MORC2: variants seen among roughly 807,000 people sequenced by gnomAD.
MORC2 encodes ATPase MORC2.
Under a neutral mutation model 136.0 loss-of-function variants are expected in MORC2, and 30 were observed. That is an observed-to-expected ratio of 0.22 (90% CI 0.17 to 0.30). MORC2 has a LOEUF of 0.30. MORC2 is among the 10% of genes least tolerant of loss of function. MORC2 has a pLI of 1.00. For synonymous variants in MORC2, 439 were observed against 487.0 expected, an observed-to-expected ratio of 0.90 and a Z score of 1.30; for missense variants, 922 against 1,333.1, an observed-to-expected ratio of 0.69 and a Z score of 4.80.
In MORC2 at chr22:30,932,263, A is replaced by T. The variant is rs575120896; in HGVS notation, c.2841+96T>A. 61 of 1,074,206 alleles carry T rather than the reference A, an allele frequency of 5.7e-5. No individual in the cohort carries two copies. The African/African-American group carries it at 7.9e-4, about 14-fold the overall frequency. The allele number at this position is 1,074,206 out of a possible 1,614,324, so 66.5% of individuals were successfully genotyped here. A position where few individuals can be genotyped will look rare whatever the true frequency, so the allele number is the denominator to read the frequency against. ...ACACAGCTGAGAGCTAGCAACTGCA[A>T]CAAGCGTAACAATCATAATCACAAC... On this transcript the variant is annotated intron_variant, in intron 24 of 25. Transcript: ENST00000397641. This position sits in a 1 kb window ranked among gnomAD's most constrained non-coding sequence, Gnocchi z 4.4.
chr22:30,928,108 G>A lies in MORC2; in HGVS notation c.2941C>T (p.Arg981Cys), dbSNP rs1307310663. The change falls in exon 25 of 26, where the codon CGC becomes TGC. Residue 981 changes from arginine to cysteine, a missense_variant. Physicochemically the swap from Arg to Cys is radical, Grantham distance 180. Transcript: ENST00000397641. ...TCGCGGAGCTTCCTCTCGGAGGTGCGCAGGCTTTCCTCGGAGGCCTTGGCC... is the reference window on the plus strand; with the variant it reads ...TCGCGGAGCTTCCTCTCGGAGGTGCACAGGCTTTCCTCGGAGGCCTTGGCC... ...SRAKASEESL[R>C]TSERKLRETE... is the part of the protein sequence containing the mutation. 3.1e-6 allele frequency: 5 copies of A among 1,614,030 alleles called. No homozygotes were observed. Among genetic ancestry groups the A allele is most frequent in the East Asian group, 2.2e-5 (1 of 44,872 alleles).
At chr22:30,965,232 G>A (rs1332089238) in intron 1 of MORC2, among the ~76,000 whole-genome samples, 2 of 152,150 alleles carry the variant, frequency 1.3e-5, no homozygotes, top group African/African-American at 4.8e-5. Context: ...TCGCAATACT[G>A]TAGATGTCAG....
chr22:30,934,031 GCTT>G lies in MORC2; in HGVS notation c.2325+26_2325+28del. 13 of 1,613,336 alleles carry G rather than the reference GCTT, an allele frequency of 8.1e-6. No individual in the cohort carries two copies. Among genetic ancestry groups the G allele is most frequent in the Non-Finnish European group, 1.1e-5 (13 of 1,179,598 alleles). ...GGGGCTGCAGGCCCTAGAGAGAGAG[GCTT>G]TGAGAACCTCACCTCAACCACTCAC... On this transcript the variant is annotated intron_variant, in intron 20 of 25. Transcript: ENST00000397641. The surrounding 1 kb of genome is among the most constrained non-coding windows in gnomAD (Gnocchi z 4.4).
At position 30,932,324 on chromosome 22, in the gene MORC2, G is replaced by C. The variant is rs2040587502; in HGVS notation, c.2841+35C>G. ...AATGCAGGGGCAGGGGTGGGGGAAT[G>C]AAGAGTGTGGAATCGAAGGTCAGGC... is the stretch of plus-strand genomic sequence containing the variant. On this transcript the variant is annotated intron_variant, in intron 24 of 25. Coordinates refer to ENST00000397641, the MANE Select transcript of MORC2 (RefSeq NM_001303256.3). This position sits in a 1 kb window ranked among gnomAD's most constrained non-coding sequence, Gnocchi z 4.4. The C allele has an allele frequency of 6.6e-7, 1 of 1,511,678 alleles. No homozygotes were observed. The highest frequency in any genetic ancestry group is 9.1e-7 in the Non-Finnish European group (1 of 1,093,610). The allele number at this position is 1,511,678 out of a possible 1,614,324, so 93.6% of individuals were successfully genotyped here.
intron 1 of MORC2, among the ~76,000 whole-genome samples, chr22:30,966,086 G>C (rs1039448531): frequency 3.9e-5 from 6 of 152,214 alleles, no homozygotes; most frequent in Non-Finnish European, 5.9e-5. Context: ...TTCCTGTAAA[G>C]ATTGCTTTGG....
At chr22:30,949,058 C>T (rs1406897549) in intron 5 of MORC2, among the ~76,000 whole-genome samples, 1 of 152,216 alleles carries the variant, frequency 6.6e-6, no homozygotes. Context: ...ACTCACAATT[C>T]CATTTGCACA....
chr22:30,939,971 C>T lies in MORC2; in HGVS notation c.975G>A (p.Thr325=), dbSNP rs201903402. ...GCCGGGACCTTACCCTGGAGTCCCG[C>T]GTGAGGTCTCCACCTAGGCGTACTT... ...TLEVRLGGDL[T]RDSRVMLRQV... The change falls in exon 11 of 26, where the codon ACG becomes ACA. Residue 325 remains threonine (T), a synonymous_variant. Coordinates refer to ENST00000397641, the MANE Select transcript of MORC2 (RefSeq NM_001303256.3). 80 of 1,613,834 alleles carry T rather than the reference C, an allele frequency of 5.0e-5. No homozygotes were observed. Among genetic ancestry groups the T allele is most frequent in the East Asian group, 8.9e-5 (4 of 44,872 alleles).
intron 24 of MORC2, among the ~76,000 whole-genome samples, chr22:30,929,555 T>A (rs2040541160): frequency 6.6e-6 from 1 of 152,038 alleles, no homozygotes; most frequent in African/African-American, 2.4e-5. Context: ...GAGACCATCC[T>A]GGCTAACACG....
At position 30,934,261 on chromosome 22, in the gene MORC2, A is replaced by G. The variant is rs2040620814; in HGVS notation, c.2194-70T>C. The G allele has an allele frequency of 6.3e-7, 1 of 1,595,554 alleles. No individual in the cohort carries two copies. Among genetic ancestry groups the G allele is most frequent in the South Asian group, 1.1e-5 (1 of 88,792 alleles). ...TCTAAGGAGCAGGAAGATTTCATCTAGCCTAAAGGAGTCGTTCCAAGAGGA... is the reference window on the plus strand; with the variant it reads ...TCTAAGGAGCAGGAAGATTTCATCTGGCCTAAAGGAGTCGTTCCAAGAGGA... On this transcript the variant is annotated intron_variant, in intron 19 of 25. Coordinates refer to ENST00000397641, the MANE Select transcript of MORC2 (RefSeq NM_001303256.3). This position sits in a 1 kb window ranked among gnomAD's most constrained non-coding sequence, Gnocchi z 4.4.
At position 30,926,858 on chromosome 22, in the gene MORC2, T is replaced by A; in HGVS notation, c.3044A>T (p.Asn1015Ile). 6.2e-7 allele frequency: 1 copy of A among 1,613,566 alleles called. No homozygotes were observed. The highest frequency in any genetic ancestry group is 8.5e-7 in the Non-Finnish European group (1 of 1,179,732). ...GTAGGCGTCCAGCTCATCATCTGTG[T>A]TGATGTCTATGTCCTGGAATAGAGC... is the stretch of plus-strand genomic sequence containing the variant. ...LQKVQEDIDI[N>I]TDDELDAYIE... The change falls in exon 26 of 26, where the codon AAC becomes ATC. Residue 1015 changes from asparagine to isoleucine, a missense_variant. By Grantham distance (149) the Asn-to-Ile change is moderately radical (BLOSUM62 -3). Around this residue, in one of 9 missense-constraint regions of MORC2, gnomAD observed 263 missense variants for 388.3 expected, o/e 0.68. Coordinates refer to ENST00000397641, the MANE Select transcript of MORC2 (RefSeq NM_001303256.3).
intron 20 of MORC2, among the ~76,000 whole-genome samples, 191 bp from the exon 21 acceptor site, chr22:30,933,711 G>A (rs999328264): frequency 6.6e-6 from 1 of 152,102 alleles, no homozygotes; most frequent in Non-Finnish European, 1.5e-5. Context: ...CTACCTTTAC[G>A]AACAAGACAG....
chr22:30,953,878 T>C (rs1235377573), intron 3 of MORC2, among the ~76,000 whole-genome samples: 2 of 152,220 alleles, frequency 1.3e-5, no homozygotes, highest in Non-Finnish European at 2.9e-5. Flanking sequence ...GGTCTTTAAA[T>C]GTGACTTTGT....
rs899903500 is a variant in MORC2, at chr22:30,926,236, A to T, written c.*567T>A. The T allele has an allele frequency of 2.0e-5, 3 of 152,244 alleles. No homozygotes were observed. Among genetic ancestry groups the T allele is most frequent in the Admixed American group, 6.5e-5 (1 of 15,268 alleles). 9.4% of individuals were successfully genotyped at this position (152,244 alleles called of 1,614,324 possible). ...GATCTTTTTCCCTCAAGCTGTTTGG[A>T]CGCCACAGCCAGGACCAACTCTGAC... On this transcript the variant is annotated 3_prime_UTR_variant, in exon 26 of 26. Coordinates refer to ENST00000397641, the MANE Select transcript of MORC2 (RefSeq NM_001303256.3).
At chr22:30,945,206 A>G (rs150978172) in intron 6 of MORC2, among the ~76,000 whole-genome samples, 1 of 152,190 alleles carries the variant, frequency 6.6e-6, no homozygotes, top group African/African-American at 2.4e-5. Context: ...TTCCTATCCT[A>G]CTTCTCCTAG....
chr22:30,955,920 T>C (rs144143941), intron 3 of MORC2, among the ~76,000 whole-genome samples: 156 of 151,320 alleles, frequency 1.0e-3, no homozygotes, highest in African/African-American at 3.5e-3. Context: ...TGAGGCAGAA[T>C]TGCTTGAACC....
intron 12 of MORC2, among the ~76,000 whole-genome samples, chr22:30,939,082 G>A (rs933264080): frequency 1.3e-5 from 2 of 152,140 alleles, no homozygotes; most frequent in African/African-American, 4.8e-5. Flanking sequence ...GTCCAAAGAG[G>A]ATCCAGACAT....
chr22:30,951,340 G>A (rs764310383), intron 3 of MORC2, among the ~76,000 whole-genome samples: 8 of 152,214 alleles, frequency 5.3e-5, no homozygotes, highest in Non-Finnish European at 1.0e-4. Flanking sequence ...ATGGAGAAGC[G>A]ATTCCCAAAT....
rs550631728 is a variant in MORC2, at chr22:30,960,901, G to A, written c.69-2207C>T. Among the ~76,000 whole-genome samples the A allele has an allele frequency of 5.4e-3, 807 of 150,810 alleles. 4 individuals carry two copies. The highest frequency in any genetic ancestry group is 0.018 in the African/African-American group (757 of 40,986). On this transcript the variant is annotated intron_variant, in intron 1 of 25. Transcript: ENST00000397641. ...TTGTTTTGAGACAGAGTCTCACTGC[G>A]TCGCCCAGGCTGGAGTGCAAGCGGC...
chr22:30,932,617 A>C lies in MORC2; in HGVS notation c.2675T>G (p.Leu892Arg). The C allele has an allele frequency of 6.2e-7, 1 of 1,614,116 alleles. No homozygotes were observed. The highest frequency in any genetic ancestry group is 8.5e-7 in the Non-Finnish European group (1 of 1,180,026). Reference protein sequence around the residue: ...AVAEPSTSECLRIEPDTTALS... With the variant: ...AVAEPSTSECRRIEPDTTALS... ...GGCAGTGGTGTCAGGCTCAATGCGG[A>C]GGCATTCGGAAGTGGAGGGCTCTGC... The change falls in exon 23 of 26, where the codon CTC (leucine) becomes CGC (arginine). Residue 892 changes from leucine (L) to arginine (R), a missense_variant. By Grantham distance (102) the Leu-to-Arg change is moderately radical. Transcript: ENST00000397641. The surrounding 1 kb of genome is among the most constrained non-coding windows in gnomAD (Gnocchi z 4.4).
Sources: allele counts gnomAD v4.1 joint callset (sites outside exome capture counted in the v4.1 genomes callset), GRCh38; gene constraint gnomAD v4.1.1; regional missense constraint gnomAD v4.1.1; non-coding constraint Gnocchi (gnomAD v3.1); transcripts MANE v1.5; gene names NCBI Gene and HGNC (gene_info 2026-07-23, HGNC 2026-07-21).